The following SDCCAG8 variants were observed in gnomAD, a reference collection of about 807,000 sequenced individuals.
SDCCAG8 encodes SHH signaling and ciliogenesis regulator SDCCAG8, also known as serologically defined colon cancer antigen 8.
Under a neutral mutation model 101.8 loss-of-function variants are expected in SDCCAG8, and 74 were observed. That is an observed-to-expected ratio of 0.73 (90% confidence interval 0.60 to 0.88). The LOEUF is 0.88. Among genes scored for constraint, SDCCAG8 ranks in the 40% least tolerant of loss-of-function variants. SDCCAG8 has a pLI of 0.00. For synonymous variants in SDCCAG8, 281 were observed against 292.9 expected (o/e 0.96, Z 0.41); for missense variants, 787 against 822.6 (o/e 0.96, Z 0.53).
intron 16 of SDCCAG8, among the ~76,000 whole-genome samples, chr1:243,430,419 T>A (rs1038415108): frequency 6.6e-6 from 1 of 151,844 alleles, no homozygotes; most frequent in African/African-American, 2.4e-5. Flanking sequence ...AAAGGCAGGG[T>A]CTTTATGTTT....
chr1:243,406,882 T>C (rs1281361467), intron 13 of SDCCAG8, among the ~76,000 whole-genome samples: 1 of 152,224 alleles, frequency 6.6e-6, no homozygotes, highest in African/African-American at 2.4e-5. Context: ...TTATATTCTT[T>C]GTATGGCAGA....
chr1:243,470,535 G>A (rs1558512571), intron 16 of SDCCAG8, among the ~76,000 whole-genome samples: 2 of 150,528 alleles, frequency 1.3e-5, no homozygotes, highest in African/African-American at 4.9e-5. Flanking sequence ...TGGATTCCAA[G>A]GAAGCAGCCC....
chr1:243,376,039 T>C (rs1037239928), intron 12 of SDCCAG8, among the ~76,000 whole-genome samples: 2 of 152,194 alleles, frequency 1.3e-5, no homozygotes, highest in Non-Finnish European at 2.9e-5. Flanking sequence ...GAAATTACAA[T>C]AGATGAAGTT....
At position 243,384,622 on chromosome 1, in the gene SDCCAG8, TTAAAC is replaced by T. The variant is rs1259901187; in HGVS notation, c.1616+5762_1616+5766del. ...CACACACACACACACACACTCACTC[TTAAAC>T]TAGAGTTCCGCATAATTAAAAGATG... On this transcript the variant is annotated intron_variant, in intron 13 of 17. Coordinates refer to ENST00000366541, the MANE Select transcript of SDCCAG8 (RefSeq NM_006642.5). 6.2e-5 allele frequency among the ~76,000 whole-genome samples: 9 copies of T among 145,220 alleles called. 1 individual carries two copies. Among genetic ancestry groups the T allele is most frequent in the Admixed American group, 6.1e-4 (9 of 14,834 alleles).
rs1658364412 is a variant in SDCCAG8, at chr1:243,458,729, TC to T, written c.1986-30282del. Among the ~76,000 whole-genome samples the T allele has an allele frequency of 6.6e-6, 1 of 152,174 alleles. No homozygotes were observed. The highest frequency in any genetic ancestry group is 1.5e-5 in the Non-Finnish European group (1 of 68,028). ...TGAAGAATCTTAGCAATATTTTAGC[TC>T]CCATAATAGTAAAAATTTTTAGAAG... On this transcript the variant is annotated intron_variant, in intron 16 of 17. Coordinates refer to ENST00000366541, the MANE Select transcript of SDCCAG8 (RefSeq NM_006642.5). The surrounding 1 kb of genome is among the most constrained non-coding windows in gnomAD (Gnocchi z 4.5).
chr1:243,480,344 G>GGAT (rs1663250544), intron 16 of SDCCAG8, among the ~76,000 whole-genome samples: 1 of 116,258 alleles, frequency 8.6e-6, no homozygotes. Flanking sequence ...ATGGATAGGT[G>GGAT]GGATGGATGG....
chr1:243,457,869 G>C (rs1205916873), intron 16 of SDCCAG8, among the ~76,000 whole-genome samples: 3 of 152,174 alleles, frequency 2.0e-5, no homozygotes, highest in African/African-American at 7.2e-5. Context: ...CAGGAGACAG[G>C]GATTTTATTG....
intron 5 of SDCCAG8, among the ~76,000 whole-genome samples, chr1:243,288,310 A>C (rs1437888979): frequency 1.3e-5 from 2 of 152,002 alleles, no homozygotes; most frequent in African/African-American, 4.8e-5. Context: ...CATCTCTCTA[A>C]AAATAAAAAA....
At chr1:243,457,806 C>T (rs1658116419) in intron 16 of SDCCAG8, among the ~76,000 whole-genome samples, 2 of 152,240 alleles carry the variant, frequency 1.3e-5, no homozygotes, top group African/African-American at 4.8e-5. Context: ...TCTCCAATCC[C>T]TCTGTTAAGT....
intron 1 of SDCCAG8, chr1:243,267,122 A>G: frequency 6.4e-6 from 1 of 156,760 alleles, no homozygotes; most frequent in Non-Finnish European, 1.4e-5. Context: ...GTGTAACTGT[A>G]GTCCCAGTTT....
At chr1:243,265,824 A>G (rs1414012307) in intron 1 of SDCCAG8, among the ~76,000 whole-genome samples, 5 of 152,162 alleles carry the variant, frequency 3.3e-5, no homozygotes, top group Admixed American at 2.0e-4. Context: ...AAAAAAAAAA[A>G]AAACTCCTGC....
chr1:243,408,889 A>C (rs1346176362), intron 13 of SDCCAG8, among the ~76,000 whole-genome samples: 2 of 152,220 alleles, frequency 1.3e-5, no homozygotes, highest in African/African-American at 4.8e-5. Flanking sequence ...TAAAAGGATT[A>C]GTCCTTTAAG....
At chr1:243,337,594 A>G (rs1411227901) in intron 10 of SDCCAG8, among the ~76,000 whole-genome samples, 4 of 152,194 alleles carry the variant, frequency 2.6e-5, no homozygotes, top group African/African-American at 4.8e-5. Flanking sequence ...TAACCTCTCT[A>G]AGTTTCAGAG....
At chr1:243,400,723 C>T (rs1010218749) in intron 13 of SDCCAG8, among the ~76,000 whole-genome samples, 2 of 152,090 alleles carry the variant, frequency 1.3e-5, no homozygotes, top group Admixed American at 1.3e-4. Flanking sequence ...ACTAGATTGC[C>T]AGTCAGTTCA....
At chr1:243,423,835 A>C (rs1244369597) in intron 15 of SDCCAG8, among the ~76,000 whole-genome samples, 1 of 152,128 alleles carries the variant, frequency 6.6e-6, no homozygotes, top group Non-Finnish European at 1.5e-5. Context: ...GACTACTTGG[A>C]TGACCTTAGG....
At chr1:243,385,251 A>G (rs2078204071) in intron 13 of SDCCAG8, among the ~76,000 whole-genome samples, 2 of 151,958 alleles carry the variant, frequency 1.3e-5, no homozygotes, top group Non-Finnish European at 2.9e-5. Flanking sequence ...TTAGCTGGGC[A>G]TGGTGGTGCG....
chr1:243,315,968 A>G (rs1421217389), intron 8 of SDCCAG8, among the ~76,000 whole-genome samples: 5 of 152,202 alleles, frequency 3.3e-5, no homozygotes, highest in Non-Finnish European at 7.3e-5. Context: ...ATAAATTGCA[A>G]ATATCCTAGA....
intron 13 of SDCCAG8, among the ~76,000 whole-genome samples, chr1:243,391,639 C>T (rs1004313129): frequency 2.0e-5 from 3 of 152,108 alleles, no homozygotes; most frequent in South Asian, 2.1e-4. Context: ...ATTCCTTCCC[C>T]AGGGTGGGCA....
intron 17 of SDCCAG8, 88 bp from the exon 18 acceptor site, chr1:243,499,668 A>C: frequency 9.3e-7 from 1 of 1,077,332 alleles, no homozygotes; most frequent in Non-Finnish European, 1.4e-6. Flanking sequence ...AGTTTTCATC[A>C]TAAAAGGTGA....
Sources: gnomAD v4.1 joint callset for allele counts (sites outside exome capture counted in the v4.1 genomes callset) on GRCh38, gnomAD v4.1.1 for gene constraint, Gnocchi (gnomAD v3.1) non-coding constraint, MANE v1.5 for transcripts, NCBI Gene and HGNC (gene_info 2026-07-23, HGNC 2026-07-21) for gene names.